PCDHGA8: variants seen among roughly 807,000 people sequenced by gnomAD.
PCDHGA8 encodes protocadherin gamma-A8.
In PCDHGA8, 45 loss-of-function variants were observed where a neutral mutation model predicts 59.2. The ratio of observed to expected loss-of-function variants is 0.76; its 90% CI spans 0.60 to 0.98. PCDHGA8 has a LOEUF of 0.98. Among genes scored for constraint, PCDHGA8 ranks in the 50% least tolerant of loss-of-function variants. PCDHGA8 has a pLI of 0.00. For synonymous variants in PCDHGA8, 531 were observed against 519.0 expected (o/e 1.02, Z -0.32); for missense variants, 1,257 against 1,196.2 (o/e 1.05, Z -0.75).
intron 1 of PCDHGA8, chr5:141,415,384 A>C: frequency 1.9e-6 from 3 of 1,614,180 alleles, no homozygotes; most frequent in Non-Finnish European, 2.5e-6. Flanking sequence ...AGGCGGCTTG[A>C]CAGGTGTGTC....
At chr5:141,413,118 G>A (rs999214227) in intron 1 of PCDHGA8, 4 of 1,517,034 alleles carry the variant, frequency 2.6e-6, no homozygotes, top group Admixed American at 4.3e-5. Flanking sequence ...CAAAGGAACC[G>A]GTTGAAACAC....
At position 141,489,437 on chromosome 5, in the gene PCDHGA8, T is replaced by C; in HGVS notation, c.2425-5370T>C. The C allele has an allele frequency of 6.2e-7, 1 of 1,614,110 alleles. No individual in the cohort carries two copies. Among genetic ancestry groups the C allele is most frequent in the Non-Finnish European group, 8.5e-7 (1 of 1,180,020 alleles). ...GATCTGTTGAGCCGGCGGCTGCAATTGGGCTCTGAGGAGAATGGGCGCTAT... is the reference window on the plus strand; with the variant it reads ...GATCTGTTGAGCCGGCGGCTGCAATCGGGCTCTGAGGAGAATGGGCGCTAT... On this transcript the variant is annotated intron_variant, in intron 1 of 3. Transcript: ENST00000398604. This position sits in a 1 kb window ranked among gnomAD's most constrained non-coding sequence, Gnocchi z 4.5.
chr5:141,465,979 G>A (rs779605313), intron 1 of PCDHGA8, among the ~76,000 whole-genome samples: 9 of 151,846 alleles, frequency 5.9e-5, no homozygotes, highest in Non-Finnish European at 1.3e-4. Flanking sequence ...AAAATTAGCC[G>A]GGCATGGTGG....
intron 2 of PCDHGA8, among the ~76,000 whole-genome samples, chr5:141,504,786 C>A (rs568185327): frequency 6.6e-6 from 1 of 152,014 alleles, no homozygotes; most frequent in South Asian, 2.1e-4. Context: ...TCTCTTGGGG[C>A]CTCCTACATC....
In PCDHGA8 at chr5:141,489,449, A is replaced by G; in HGVS notation, c.2425-5358A>G. The G allele has an allele frequency of 6.2e-7, 1 of 1,614,056 alleles. No homozygotes were observed. Among genetic ancestry groups the G allele is most frequent in the Non-Finnish European group, 8.5e-7 (1 of 1,180,016 alleles). On this transcript the variant is annotated intron_variant, in intron 1 of 3. Coordinates refer to ENST00000398604, the MANE Select transcript of PCDHGA8 (RefSeq NM_032088.2). This position sits in a 1 kb window ranked among gnomAD's most constrained non-coding sequence, Gnocchi z 4.5. ...CGGCGGCTGCAATTGGGCTCTGAGG[A>G]GAATGGGCGCTATTTTTCCCTGAGC...
chr5:141,448,756 C>T (rs938202200), intron 1 of PCDHGA8, among the ~76,000 whole-genome samples: 1 of 151,742 alleles, frequency 6.6e-6, no homozygotes, highest in African/African-American at 2.4e-5. Context: ...CTGGCTAACA[C>T]GGTGAAACCC....
chr5:141,414,124 G>C, intron 1 of PCDHGA8: 1 of 1,592,872 alleles, frequency 6.3e-7, no homozygotes, highest in Non-Finnish European at 8.6e-7. Context: ...TGAAGAAACC[G>C]GTTTCTATGA....
chr5:141,467,287 A>C (rs2099140956), intron 1 of PCDHGA8, among the ~76,000 whole-genome samples: 1 of 152,082 alleles, frequency 6.6e-6, no homozygotes, highest in Admixed American at 6.6e-5. Flanking sequence ...TCTTGACCTC[A>C]AGTGATCCAC....
intron 2 of PCDHGA8, among the ~76,000 whole-genome samples, chr5:141,501,876 C>T (rs1463329895): frequency 6.6e-6 from 1 of 152,118 alleles, no homozygotes; most frequent in East Asian, 1.9e-4. Context: ...CGCCTCCTTA[C>T]ACTCCTGATC....
At chr5:141,408,248 G>A in intron 1 of PCDHGA8, 1 of 1,593,412 alleles carries the variant, frequency 6.3e-7, no homozygotes, top group East Asian at 2.3e-5. Context: ...CCCGCGGCAG[G>A]TGCTATTTCC....
At position 141,490,742 on chromosome 5, in the gene PCDHGA8, C is replaced by A. The variant is rs1281337347; in HGVS notation, c.2425-4065C>A. 1.2e-6 allele frequency: 2 copies of A among 1,614,062 alleles called. No homozygotes were observed. Among genetic ancestry groups the A allele is most frequent in the Non-Finnish European group, 1.7e-6 (2 of 1,180,022 alleles). On this transcript the variant is annotated intron_variant, in intron 1 of 3. Coordinates refer to ENST00000398604, the MANE Select transcript of PCDHGA8 (RefSeq NM_032088.2). This position sits in a 1 kb window ranked among gnomAD's most constrained non-coding sequence, Gnocchi z 5.4. ...ATTGTAGGAAATCAGGTTCAGGGAGCCCCAGCCTCCTCCTTTGTGTATGTC... is the reference window on the plus strand; with the variant it reads ...ATTGTAGGAAATCAGGTTCAGGGAGACCCAGCCTCCTCCTTTGTGTATGTC...
Position 141,489,753 on chromosome 5 carries a change from T to A in PCDHGA8, c.2425-5054T>A, listed in dbSNP as rs549652158. On this transcript the variant is annotated intron_variant, in intron 1 of 3. Transcript: ENST00000398604. The surrounding 1 kb of genome is among the most constrained non-coding windows in gnomAD (Gnocchi z 4.5). ...GCACCAATACTGTGAGCTTTTACAC[T>A]CTAAGCCCCAACAGCCACTTCTCTC... 6.2e-7 allele frequency: 1 copy of A among 1,614,070 alleles called. No homozygotes were observed. The highest frequency in any genetic ancestry group is 2.2e-5 in the East Asian group (1 of 44,866).
Position 141,487,306 on chromosome 5 carries a change from ACT to A in PCDHGA8, c.2425-7496_2425-7495del. 1 of 1,613,414 alleles carries A rather than the reference ACT, an allele frequency of 6.2e-7. No individual in the cohort carries two copies. The highest frequency in any genetic ancestry group is 8.5e-7 in the Non-Finnish European group (1 of 1,179,874). ...TCTCCTTTGGCTCATTCGTGGCACT[ACT>A]CTCTAAGTGTCTTCGTGGGGCAGCC... On this transcript the variant is annotated intron_variant, in intron 1 of 3. Coordinates refer to ENST00000398604, the MANE Select transcript of PCDHGA8 (RefSeq NM_032088.2). The surrounding 1 kb of genome is among the most constrained non-coding windows in gnomAD (Gnocchi z 5.0).
Position 141,491,004 on chromosome 5 carries a change from G to T in PCDHGA8, c.2425-3803G>T. ...CTCGCTCTGCTCCTCCTGGCTCCTT[G>T]GTCACCAAGGTGACAGCCGTGGATG... On this transcript the variant is annotated intron_variant, in intron 1 of 3. Transcript: ENST00000398604. The surrounding 1 kb of genome is among the most constrained non-coding windows in gnomAD (Gnocchi z 6.9). The T allele has an allele frequency of 6.2e-7, 1 of 1,614,024 alleles. No individual in the cohort carries two copies. Among genetic ancestry groups the T allele is most frequent in the Non-Finnish European group, 8.5e-7 (1 of 1,180,026 alleles).
rs2095403267 is a variant in PCDHGA8, at chr5:141,410,523, A to C, written c.2424+15286A>C. 2 of 1,613,800 alleles carry C rather than the reference A, an allele frequency of 1.2e-6. No individual in the cohort carries two copies. Among genetic ancestry groups the C allele is most frequent in the African/African-American group, 2.7e-5 (2 of 74,910 alleles). ...TTCCTAAAATGCAGTGTGCCCCTAC[A>C]TTCCAATGAAGACATGGTTTGCAGT... On this transcript the variant is annotated intron_variant, in intron 1 of 3. Coordinates refer to ENST00000398604, the MANE Select transcript of PCDHGA8 (RefSeq NM_032088.2).
At chr5:141,403,179 C>T (rs1341077920) in intron 1 of PCDHGA8, 1 of 1,614,000 alleles carries the variant, frequency 6.2e-7, no homozygotes, top group Admixed American at 1.7e-5. Flanking sequence ...CAGCTTTTCT[C>T]TCTGAACCCG....
intron 1 of PCDHGA8, chr5:141,428,021 C>T: frequency 1.2e-6 from 2 of 1,605,604 alleles, no homozygotes; most frequent in Non-Finnish European, 1.7e-6. Context: ...TGCCACGCGC[C>T]GCAGAGTCCG....
rs1375121802 is a variant in PCDHGA8 at position 141,432,471 on chromosome 5, G to A, written c.2424+37234G>A. 2 of 1,614,094 alleles carry A rather than the reference G, an allele frequency of 1.2e-6. No homozygotes were observed. Among genetic ancestry groups the A allele is most frequent in the African/African-American group, 2.7e-5 (2 of 74,946 alleles). ...CTGTACCCCGCCCTCCCCACGGACG[G>A]TTCCACTGGCGTGGAGCTGGCTCCC... is the stretch of plus-strand genomic sequence containing the variant. On this transcript the variant is annotated intron_variant, in intron 1 of 3. Coordinates refer to ENST00000398604, the MANE Select transcript of PCDHGA8 (RefSeq NM_032088.2). The surrounding 1 kb of genome is among the most constrained non-coding windows in gnomAD (Gnocchi z 6.0).
intron 3 of PCDHGA8, among the ~76,000 whole-genome samples, chr5:141,505,926 G>T (rs114056147): frequency 6.6e-6 from 1 of 152,146 alleles, no homozygotes; most frequent in African/African-American, 2.4e-5. Flanking sequence ...TGGGCCTGGC[G>T]CTTGGAAGCC....
Sources: gnomAD v4.1 joint callset for allele counts (sites outside exome capture counted in the v4.1 genomes callset) on GRCh38, gnomAD v4.1.1 for gene constraint, Gnocchi (gnomAD v3.1) non-coding constraint, MANE v1.5 for transcripts, NCBI Gene and HGNC (gene_info 2026-07-23, HGNC 2026-07-21) for gene names.